DPYD: variants seen among roughly 807,000 people sequenced by gnomAD.
The protein encoded by DPYD is dihydropyrimidine dehydrogenase, also known as dihydropyrimidine dehydrogenase [NADP(+)].
A neutral mutation model predicts 116.2 loss-of-function variants in DPYD; 109 were observed. The ratio of observed to expected loss-of-function variants is 0.94; its 90% confidence interval spans 0.80 to 1.10. The LOEUF is 1.10. Ranked by LOEUF, DPYD falls within the 50% of genes least tolerant of loss-of-function variation. DPYD has a pLI of 0.00. For synonymous variants in DPYD, 440 were observed against 432.0 expected (o/e 1.02, Z -0.23); for missense variants, 1,302 against 1,254.5 (o/e 1.04, Z -0.57).
At chr1:97,296,477 C>T (rs935892283) in intron 18 of DPYD, among the ~76,000 whole-genome samples, 7 of 151,840 alleles carry the variant, frequency 4.6e-5, no homozygotes, top group South Asian at 2.1e-4. Flanking sequence ...TAATATGTCT[C>T]GATAGATACA....
chr1:97,409,033 A>G (rs1010781706), intron 14 of DPYD, among the ~76,000 whole-genome samples: 7 of 152,100 alleles, frequency 4.6e-5, no homozygotes, highest in Admixed American at 3.9e-4. Flanking sequence ...CAGACGGCCT[A>G]TCATGGGACT....
At chr1:97,464,740 T>C (rs1440208268) in intron 13 of DPYD, among the ~76,000 whole-genome samples, 2 of 152,214 alleles carry the variant, frequency 1.3e-5, no homozygotes, top group African/African-American at 2.4e-5. Flanking sequence ...ATGGAAATGC[T>C]TGGATGCCCA....
chr1:97,551,236 C>T (rs753665332), intron 11 of DPYD, among the ~76,000 whole-genome samples: 1 of 152,084 alleles, frequency 6.6e-6, no homozygotes, highest in Non-Finnish European at 1.5e-5. Context: ...ATTTTCAAAG[C>T]AGAAAGGCAT....
intron 16 of DPYD, among the ~76,000 whole-genome samples, chr1:97,367,149 C>A (rs1671082039): frequency 6.6e-6 from 1 of 152,058 alleles, no homozygotes; most frequent in Admixed American, 6.6e-5. Flanking sequence ...CTGTGGTCCT[C>A]ACACTTGGTT....
chr1:97,510,175 A>T (rs904960154), intron 13 of DPYD, among the ~76,000 whole-genome samples: 1 of 151,932 alleles, frequency 6.6e-6, no homozygotes, highest in Non-Finnish European at 1.5e-5. Context: ...GTAGCCCAGA[A>T]GGCAGAGCCA....
chr1:97,737,735 A>G (rs1452232931), intron 4 of DPYD, among the ~76,000 whole-genome samples: 1 of 152,016 alleles, frequency 6.6e-6, no homozygotes, highest in Non-Finnish European at 1.5e-5. Flanking sequence ...TGTGTACAAT[A>G]TATGTACAAT....
At chr1:97,721,712 T>C (rs761379392) in intron 4 of DPYD, 41 bp from the exon 5 acceptor site, 8 of 1,585,436 alleles carry the variant, frequency 5.0e-6, no homozygotes. Context: ...TACTTAAAAA[T>C]ATACTTTAAA....
chr1:97,157,085 G>A (rs934412394), intron 20 of DPYD, among the ~76,000 whole-genome samples: 4 of 143,998 alleles, frequency 2.8e-5, no homozygotes, highest in African/African-American at 7.8e-5. Context: ...CATGGACACA[G>A]GAAGGGGAAC....
chr1:97,101,588 T>C (rs1370430897), intron 20 of DPYD, among the ~76,000 whole-genome samples: 2 of 151,738 alleles, frequency 1.3e-5, no homozygotes, highest in African/African-American at 4.8e-5. Context: ...CAATCAGTGA[T>C]GATTAATAAA....
At chr1:97,724,256 A>C (rs1663082309) in intron 4 of DPYD, among the ~76,000 whole-genome samples, 1 of 143,998 alleles carries the variant, frequency 6.9e-6, no homozygotes, top group African/African-American at 2.6e-5. Flanking sequence ...CAAGGAGTCA[A>C]AAGTTCTCCA....
chr1:97,500,676 A>G (rs933029363), intron 13 of DPYD, among the ~76,000 whole-genome samples: 4 of 152,080 alleles, frequency 2.6e-5, no homozygotes, highest in Non-Finnish European at 5.9e-5. Flanking sequence ...ACATTCTGAC[A>G]CACATTTTAA....
intron 1 of DPYD, among the ~76,000 whole-genome samples, chr1:97,909,441 A>G (rs1673813781): frequency 6.6e-6 from 1 of 151,594 alleles, no homozygotes; most frequent in African/African-American, 2.4e-5. Context: ...CTACTTCCCT[A>G]TTTTCTGTTC....
chr1:97,656,009 A>C (rs149814584), intron 8 of DPYD, among the ~76,000 whole-genome samples: 2 of 152,188 alleles, frequency 1.3e-5, no homozygotes, highest in Non-Finnish European at 2.9e-5. Flanking sequence ...AAGGCTTAGA[A>C]GACAAGAGTG....
At chr1:97,644,026 T>C (rs1658096909) in intron 8 of DPYD, among the ~76,000 whole-genome samples, 1 of 152,018 alleles carries the variant, frequency 6.6e-6, no homozygotes, top group Admixed American at 6.6e-5. Flanking sequence ...GGCACGTGTG[T>C]ACCTATGTAA....
At chr1:97,557,900 G>A (rs1442780183) in intron 11 of DPYD, among the ~76,000 whole-genome samples, 1 of 152,178 alleles carries the variant, frequency 6.6e-6, no homozygotes, top group African/African-American at 2.4e-5. Flanking sequence ...ACCCTTGAAG[G>A]TGGATATTAT....
At chr1:97,682,255 G>A (rs762691440) in intron 7 of DPYD, among the ~76,000 whole-genome samples, 3 of 151,866 alleles carry the variant, frequency 2.0e-5, no homozygotes, top group Non-Finnish European at 2.9e-5. Context: ...CTTGATCTTG[G>A]TGTGAATCTA....
chr1:97,595,943 A>G (rs1407562328), intron 8 of DPYD, among the ~76,000 whole-genome samples: 1 of 152,110 alleles, frequency 6.6e-6, no homozygotes, highest in Admixed American at 6.5e-5. Context: ...CCAAGGGTAG[A>G]CATGGAACTT....
At chr1:97,316,546 T>TAAAAA (rs1558023093) in intron 16 of DPYD, among the ~76,000 whole-genome samples, 2 of 150,502 alleles carry the variant, frequency 1.3e-5, no homozygotes. Context: ...TAAAATAAAA[T>TAAAAA]AAAATAAAAT....
intron 4 of DPYD, among the ~76,000 whole-genome samples, chr1:97,729,299 G>A (rs1363349160): frequency 6.6e-6 from 1 of 152,078 alleles, no homozygotes; most frequent in Non-Finnish European, 1.5e-5. Flanking sequence ...CTGGGGAAAT[G>A]TCATATCTCT....
Sources: gnomAD v4.1 joint callset for allele counts (sites outside exome capture counted in the v4.1 genomes callset) on GRCh38, gnomAD v4.1.1 for gene constraint, MANE v1.5 for transcripts, NCBI Gene and HGNC (gene_info 2026-07-23, HGNC 2026-07-21) for gene names.